ANKRD30B: variants seen among roughly 807,000 people sequenced by gnomAD.
The protein encoded by ANKRD30B is ankyrin repeat domain-containing protein 30B.
Under a neutral mutation model 202.2 loss-of-function variants are expected in ANKRD30B, and 144 were observed. The observed-to-expected ratio is 0.71, with a 90% CI of 0.62 to 0.82. ANKRD30B has a LOEUF of 0.82. Among genes scored for constraint, ANKRD30B ranks in the 40% least tolerant of loss-of-function variants. ANKRD30B has a pLI of 0.00. For missense variants in ANKRD30B, 1,487 were observed against 1,669.1 expected, an observed-to-expected ratio of 0.89 and a Z score of 1.90; for synonymous variants, 508 against 561.3, an observed-to-expected ratio of 0.91 and a Z score of 1.34.
intron 32 of ANKRD30B, among the ~76,000 whole-genome samples, chr18:14,825,653 TTCC>T (rs1412859886): frequency 6.6e-6 from 1 of 152,060 alleles, no homozygotes; most frequent in Non-Finnish European, 1.5e-5. Context: ...TTGTGTCTAT[TTCC>T]TATAACTATC....
At chr18:14,791,146 C>T (rs952822645) in intron 15 of ANKRD30B, among the ~76,000 whole-genome samples, 1 of 151,980 alleles carries the variant, frequency 6.6e-6, no homozygotes, top group Admixed American at 6.5e-5. Context: ...AGGAATTTAT[C>T]CATTTCTTCT....
chr18:14,913,458 G>A, the ANKRD30B span, among the ~76,000 whole-genome samples: 2 of 152,022 alleles, frequency 1.3e-5, no homozygotes, highest in African/African-American at 2.4e-5. Flanking sequence ...ATTTTTCTGG[G>A]TATTCAAATA....
intron 16 of ANKRD30B, among the ~76,000 whole-genome samples, chr18:14,792,259 C>A (rs900932461): frequency 2.0e-5 from 3 of 151,970 alleles, no homozygotes; most frequent in Non-Finnish European, 2.9e-5. Context: ...AGATGAGAGA[C>A]CTTTGTGGGA....
At chr18:14,766,472 C>CAAAAAAAAAAAAAAAAAAAA (rs1168681924) in intron 7 of ANKRD30B, among the ~76,000 whole-genome samples, 11 of 55,606 alleles carry the variant, frequency 2.0e-4, no homozygotes, top group African/African-American at 3.3e-4. Context: ...GACTCCATCT[C>CAAAAAAAAAAAAAAAAAAAA]AAAAAAAAAA....
intron 34 of ANKRD30B, among the ~76,000 whole-genome samples, chr18:14,834,625 G>A (rs574511472): frequency 6.6e-6 from 1 of 152,066 alleles, no homozygotes; most frequent in African/African-American, 2.4e-5. Context: ...ATATAAGGAC[G>A]AGTATAGGTA....
At chr18:14,940,690 G>A in the ANKRD30B span, among the ~76,000 whole-genome samples, 85 of 152,274 alleles carry the variant, frequency 5.6e-4, 1 homozygote, top group Middle Eastern at 6.8e-3. Flanking sequence ...CTCTCCTGAC[G>A]GCATCAGGCT....
chr18:14,830,127 G>A (rs752225152), intron 33 of ANKRD30B: 1 of 154,702 alleles, frequency 6.5e-6, no homozygotes, highest in African/African-American at 2.4e-5. Context: ...GTGCTTAGAT[G>A]AGCTAAATAT....
At chr18:14,894,710 A>T in the ANKRD30B span, among the ~76,000 whole-genome samples, 2 of 151,608 alleles carry the variant, frequency 1.3e-5, no homozygotes, top group East Asian at 3.9e-4. Context: ...TTTTCTGTCA[A>T]GCCTGGATTG....
At chr18:14,831,194 A>AAAAAAAAAAC (rs1555668408) in intron 33 of ANKRD30B, among the ~76,000 whole-genome samples, 189 bp from the exon 34 acceptor site, 2 of 150,940 alleles carry the variant, frequency 1.3e-5, no homozygotes, top group Admixed American at 1.3e-4. Context: ...AAAAAAAAAA[A>AAAAAAAAAAC]AAAAAACGAA....
chr18:14,939,056 T>C, the ANKRD30B span, among the ~76,000 whole-genome samples: 10 of 152,278 alleles, frequency 6.6e-5, no homozygotes, highest in Non-Finnish European at 1.3e-4. Flanking sequence ...GAGAAAGAAG[T>C]GCTTTTGAAT....
downstream of ANKRD30B, among the ~76,000 whole-genome samples, chr18:14,855,010 C>T (rs1037273042): frequency 3.3e-5 from 5 of 152,244 alleles, no homozygotes; most frequent in East Asian, 1.9e-4. Flanking sequence ...CAGATAAACA[C>T]GTGAACAAAG....
the ANKRD30B span, among the ~76,000 whole-genome samples, chr18:14,875,271 T>G: frequency 7.2e-5 from 11 of 152,236 alleles, no homozygotes; most frequent in Non-Finnish European, 1.5e-5. Flanking sequence ...TCGGGAATGA[T>G]GGAAGCTGAG....
At chr18:14,760,120 A>G (rs184262248) in intron 5 of ANKRD30B, among the ~76,000 whole-genome samples, 1 of 152,200 alleles carries the variant, frequency 6.6e-6, no homozygotes, top group Non-Finnish European at 1.5e-5. Flanking sequence ...TTGCTTCACT[A>G]TTTCTTTGAG....
chr18:14,807,586 C>T (rs1969600907), intron 24 of ANKRD30B, among the ~76,000 whole-genome samples: 1 of 148,526 alleles, frequency 6.7e-6, no homozygotes, highest in African/African-American at 2.5e-5. Flanking sequence ...GGCTGGAGTG[C>T]AGGGGCATGA....
chr18:14,805,172 A>G (rs1288090368), intron 24 of ANKRD30B, among the ~76,000 whole-genome samples: 1 of 150,816 alleles, frequency 6.6e-6, no homozygotes, highest in African/African-American at 2.4e-5. Context: ...GTGTTGGTAA[A>G]ATTGCCATTT....
chr18:14,827,242 G>T (rs1970706383), intron 32 of ANKRD30B, among the ~76,000 whole-genome samples: 1 of 152,176 alleles, frequency 6.6e-6, no homozygotes, highest in Admixed American at 6.5e-5. Flanking sequence ...GATGATTCAT[G>T]ACCTGGATGA....
chr18:14,818,703 A>G (rs1970249812), intron 30 of ANKRD30B, among the ~76,000 whole-genome samples: 1 of 151,956 alleles, frequency 6.6e-6, no homozygotes, highest in Non-Finnish European at 1.5e-5. Flanking sequence ...ATCATTTTTT[A>G]TGGCTGCATA....
At chr18:14,818,262 A>G (rs1970219909) in intron 30 of ANKRD30B, among the ~76,000 whole-genome samples, 1 of 152,206 alleles carries the variant, frequency 6.6e-6, no homozygotes, top group African/African-American at 2.4e-5. Context: ...TGTTATTTTC[A>G]GTAACCATTA....
chr18:14,809,487 T>C (rs1299910624), intron 26 of ANKRD30B, among the ~76,000 whole-genome samples: 3 of 150,814 alleles, frequency 2.0e-5, no homozygotes, highest in African/African-American at 7.4e-5. Context: ...AGAAGAGCCA[T>C]GGCGAGATGA....
Sources: gnomAD v4.1 joint callset for allele counts (sites outside exome capture counted in the v4.1 genomes callset) on GRCh38, gnomAD v4.1.1 for gene constraint, MANE v1.5 for transcripts, NCBI Gene and HGNC (gene_info 2026-07-23, HGNC 2026-07-21) for gene names.